GABRG3: variants seen among roughly 807,000 people sequenced by gnomAD.
The protein encoded by GABRG3 is gamma-aminobutyric acid receptor subunit gamma-3.
A neutral mutation model predicts 48.8 loss-of-function variants in GABRG3; 25 were observed. That is an observed-to-expected ratio of 0.51 (90% CI 0.37 to 0.72). The LOEUF is 0.72. GABRG3 is among the 30% of genes least tolerant of loss of function. GABRG3 has a pLI of 0.00. For missense variants in GABRG3, 394 were observed against 577.9 expected (o/e 0.68, Z 3.26); for synonymous variants, 227 against 217.6 (o/e 1.04, Z -0.38).
chr15:27,532,696 G>C lies in GABRG3; in HGVS notation c.1219G>C (p.Glu407Gln), dbSNP rs773922432. Residue 407 changes from glutamate (E) to glutamine (Q), a missense_variant, in exon 10 of 10, where the codon GAG becomes CAG. Coordinates refer to ENST00000615808, the MANE Select transcript of GABRG3 (RefSeq NM_033223.5). ...GGAATTTGAAGATACCTGTGTCTAT[G>C]AGTGTCTGGATGGCAAAGACTGTCA... The part of the protein sequence containing the change: ...WQEFEDTCVY[E>Q]CLDGKDCQSF... The C allele has an allele frequency of 6.2e-7, 1 of 1,613,886 alleles. No individual in the cohort carries two copies. Among genetic ancestry groups the C allele is most frequent in the African/African-American group, 1.3e-5 (1 of 74,932 alleles).
At chr15:27,144,795 T>A (rs1391950045) in intron 3 of GABRG3, among the ~76,000 whole-genome samples, 1 of 152,218 alleles carries the variant, frequency 6.6e-6, no homozygotes, top group East Asian at 1.9e-4. Flanking sequence ...GTAACATATC[T>A]ACGTGAGAAT....
At chr15:27,209,350 C>CTTT (rs1888992012) in intron 3 of GABRG3, among the ~76,000 whole-genome samples, 3 of 98,184 alleles carry the variant, frequency 3.1e-5, no homozygotes, top group Non-Finnish European at 6.7e-5. Context: ...TTCTTTCTTT[C>CTTT]CTTCCTTCCT....
chr15:27,466,166 C>G (rs944144154), intron 5 of GABRG3, among the ~76,000 whole-genome samples: 4 of 152,142 alleles, frequency 2.6e-5, no homozygotes, highest in African/African-American at 9.7e-5. Context: ...AAGAGTCTGG[C>G]GTAGTTTCTA....
intron 3 of GABRG3, among the ~76,000 whole-genome samples, chr15:27,146,955 TA>T (rs1416671724): frequency 6.6e-6 from 1 of 152,062 alleles, no homozygotes; most frequent in Non-Finnish European, 1.5e-5. Flanking sequence ...ACATTAAATG[TA>T]AATAGTTTAA....
At chr15:27,248,313 T>C (rs1890328879) in intron 3 of GABRG3, among the ~76,000 whole-genome samples, 1 of 152,084 alleles carries the variant, frequency 6.6e-6, no homozygotes, top group Non-Finnish European at 1.5e-5. Context: ...TAACCCCATT[T>C]TGGTAGATCC....
chr15:27,286,986 T>C (rs1222618204), intron 3 of GABRG3, among the ~76,000 whole-genome samples: 2 of 152,206 alleles, frequency 1.3e-5, no homozygotes, highest in Admixed American at 6.5e-5. Flanking sequence ...TCCATGGCAC[T>C]GTATGCTGCG....
chr15:27,166,436 G>A (rs1430894624), intron 3 of GABRG3, among the ~76,000 whole-genome samples: 1 of 151,820 alleles, frequency 6.6e-6, no homozygotes, highest in South Asian at 2.1e-4. Flanking sequence ...TTATTTTGTA[G>A]GAAGAGTGAA....
At chr15:27,047,150 A>C (rs887387550) in intron 3 of GABRG3, among the ~76,000 whole-genome samples, 6 of 152,230 alleles carry the variant, frequency 3.9e-5, no homozygotes, top group African/African-American at 1.4e-4. Flanking sequence ...CATATAGGGT[A>C]TCTTCAGGCC....
intron 3 of GABRG3, among the ~76,000 whole-genome samples, chr15:27,129,080 T>C (rs1897871279): frequency 6.6e-6 from 1 of 152,148 alleles, no homozygotes; most frequent in Admixed American, 6.5e-5. Flanking sequence ...TAATATAAAA[T>C]GTATCATTTT....
chr15:27,263,949 AAAAAG>A (rs57020778), intron 3 of GABRG3, among the ~76,000 whole-genome samples: 93,271 of 150,026 alleles, frequency 0.62, 29,821 homozygotes, highest in Non-Finnish European at 0.69. Flanking sequence ...GAAAAAGAAA[AAAAAG>A]AAAAGTGCTG....
chr15:27,003,573 A>G (rs1895502825), intron 2 of GABRG3, among the ~76,000 whole-genome samples: 1 of 152,218 alleles, frequency 6.6e-6, no homozygotes, highest in Admixed American at 6.5e-5. Context: ...CCAAGGCAGA[A>G]GAATTTTTCT....
At chr15:27,525,440 G>A (rs1891252162) in intron 7 of GABRG3, among the ~76,000 whole-genome samples, 1 of 152,052 alleles carries the variant, frequency 6.6e-6, no homozygotes, top group Non-Finnish European at 1.5e-5. Flanking sequence ...TTTTTGCAGA[G>A]CACTCTTCTT....
intron 9 of GABRG3, among the ~76,000 whole-genome samples, chr15:27,530,238 A>T (rs1486706462): frequency 2.0e-5 from 3 of 152,150 alleles, no homozygotes; most frequent in Non-Finnish European, 2.9e-5. Flanking sequence ...AGGCTGAGGA[A>T]CTTCACATGT....
intron 5 of GABRG3, among the ~76,000 whole-genome samples, chr15:27,469,459 G>C (rs1889718597): frequency 2.0e-5 from 3 of 152,082 alleles, no homozygotes; most frequent in Non-Finnish European, 4.4e-5. Context: ...TCCGGCCTCA[G>C]CCTCCCAAGT....
At chr15:27,351,581 G>A (rs978236709) in intron 5 of GABRG3, among the ~76,000 whole-genome samples, 1 of 148,450 alleles carries the variant, frequency 6.7e-6, no homozygotes, top group Non-Finnish European at 1.5e-5. Flanking sequence ...TGTGTGTATG[G>A]TGTGTGTGTA....
chr15:27,242,323 G>C (rs1890151636), intron 3 of GABRG3, among the ~76,000 whole-genome samples: 1 of 152,108 alleles, frequency 6.6e-6, no homozygotes, highest in African/African-American at 2.4e-5. Flanking sequence ...GAGGCAACCA[G>C]GTGTCTCTAC....
At chr15:27,115,918 A>G (rs1264447305) in intron 3 of GABRG3, among the ~76,000 whole-genome samples, 2 of 152,214 alleles carry the variant, frequency 1.3e-5, no homozygotes, top group Admixed American at 6.5e-5. Context: ...TACTCAAGAC[A>G]CTGTTACGGT....
At chr15:27,210,442 G>A (rs1035458132) in intron 3 of GABRG3, among the ~76,000 whole-genome samples, 23 of 152,170 alleles carry the variant, frequency 1.5e-4, no homozygotes, top group African/African-American at 3.9e-4. Flanking sequence ...GCTGCCTGCC[G>A]TGTGTGCATT....
At chr15:27,491,512 T>C (rs1306290600) in intron 6 of GABRG3, among the ~76,000 whole-genome samples, 1 of 152,232 alleles carries the variant, frequency 6.6e-6, no homozygotes, top group Non-Finnish European at 1.5e-5. Flanking sequence ...AAAATTCTAC[T>C]ACCACCTTGA....
Sources: allele counts gnomAD v4.1 joint callset (sites outside exome capture counted in the v4.1 genomes callset), GRCh38; gene constraint gnomAD v4.1.1; transcripts MANE v1.5; gene names NCBI Gene and HGNC (gene_info 2026-07-23, HGNC 2026-07-21).